CEP41: variants seen among roughly 807,000 people sequenced by gnomAD.
The protein encoded by CEP41 is centrosomal protein 41, also known as centrosomal protein of 41 kDa.
Under a neutral mutation model 44.3 loss-of-function variants are expected in CEP41, and 32 were observed. The observed-to-expected ratio is 0.72, with a 90% CI of 0.54 to 0.97. CEP41 has a LOEUF of 0.97. Ranked by LOEUF, CEP41 falls within the 50% of genes least tolerant of loss-of-function variation. The pLI, the probability that CEP41 is intolerant of heterozygous loss-of-function variation, is 0.00. For synonymous variants in CEP41, 151 were observed against 168.5 expected (o/e 0.90, Z 0.80); for missense variants, 432 against 455.2 (o/e 0.95, Z 0.46).
At chr7:130,401,646 C>T (rs1554416942) in intron 8 of CEP41, among the ~76,000 whole-genome samples, 1 of 152,180 alleles carries the variant, frequency 6.6e-6, no homozygotes, top group East Asian at 1.9e-4. Context: ...GACTAACTCT[C>T]AATGGATCCT....
upstream of CEP41, among the ~76,000 whole-genome samples, chr7:130,441,564 G>T (rs1043288425): frequency 2.6e-5 from 4 of 152,212 alleles, no homozygotes; most frequent in African/African-American, 9.7e-5. Context: ...TGCTTTAAAA[G>T]CTTTTAGGCT....
At chr7:130,435,674 T>G (rs1248164573) in intron 1 of CEP41, among the ~76,000 whole-genome samples, 3 of 152,308 alleles carry the variant, frequency 2.0e-5, no homozygotes, top group African/African-American at 7.2e-5. Flanking sequence ...CTGGAAAAGT[T>G]TGGCAGTATC....
At chr7:130,427,055 A>G (rs1345975778) in intron 2 of CEP41, 1 of 155,588 alleles carries the variant, frequency 6.4e-6, no homozygotes, top group Non-Finnish European at 1.4e-5. Context: ...ATGAAGAAAC[A>G]TGCATAATGG....
At chr7:130,407,020 A>G (rs2117584957) in intron 5 of CEP41, among the ~76,000 whole-genome samples, 1 of 151,894 alleles carries the variant, frequency 6.6e-6, no homozygotes, top group East Asian at 1.9e-4. Flanking sequence ...AAATGATCCT[A>G]AACTGAATGT....
chr7:130,411,509 T>A (rs1004718542), intron 4 of CEP41, among the ~76,000 whole-genome samples: 35 of 152,344 alleles, frequency 2.3e-4, no homozygotes, highest in African/African-American at 7.7e-4. Flanking sequence ...GCACTACACA[T>A]TATTTCTTGA....
intron 2 of CEP41, chr7:130,419,697 C>T: frequency 1.0e-6 from 1 of 985,236 alleles, no homozygotes; most frequent in Middle Eastern, 5.2e-4. Flanking sequence ...AAAGCTGAAA[C>T]TCCTTGCTCT....
intron 7 of CEP41, among the ~76,000 whole-genome samples, chr7:130,402,319 C>T (rs1052074888): frequency 4.3e-5 from 6 of 138,482 alleles, no homozygotes; most frequent in African/African-American, 1.1e-4. Context: ...ACACTTCAGT[C>T]TTGGCAACAG....
chr7:130,394,616 A>G lies in CEP41; in HGVS notation c.*4275T>C, dbSNP rs1796608532. 2.2e-6 allele frequency: 1 copy of G among 453,538 alleles called. No homozygotes were observed. The highest frequency in any genetic ancestry group is 4.4e-6 in the Non-Finnish European group (1 of 226,462). 28.1% of individuals were successfully genotyped at this position (453,538 alleles called of 1,614,324 possible). A position where few individuals can be genotyped will look rare whatever the true frequency, so the allele number is the denominator to read the frequency against. ...GAGATCTAAAAACCTCAGGGTTTTGAATGCCTCGCCCACAAAGGCAGGATA... is the reference window on the plus strand; with the variant it reads ...GAGATCTAAAAACCTCAGGGTTTTGGATGCCTCGCCCACAAAGGCAGGATA... On this transcript the variant is annotated 3_prime_UTR_variant, in exon 11 of 11. Coordinates refer to ENST00000223208, the MANE Select transcript of CEP41 (RefSeq NM_018718.3).
intron 5 of CEP41, among the ~76,000 whole-genome samples, chr7:130,405,062 G>A (rs1020519679): frequency 3.9e-5 from 6 of 152,264 alleles, no homozygotes; most frequent in South Asian, 4.1e-4. Context: ...TCACCATCAC[G>A]CATGCATTCA....
chr7:130,429,137 T>C (rs1220994936), intron 1 of CEP41, among the ~76,000 whole-genome samples: 1 of 152,118 alleles, frequency 6.6e-6, no homozygotes, highest in Non-Finnish European at 1.5e-5. Context: ...CCCTGAGATT[T>C]TATCCATCTC....
intron 2 of CEP41, chr7:130,417,339 G>A (rs780665174): frequency 3.7e-6 from 4 of 1,085,012 alleles, no homozygotes; most frequent in African/African-American, 1.7e-5. Context: ...ACACAGAAGA[G>A]GAGCAAAAAG....
chr7:130,393,951 C>T lies in CEP41; in HGVS notation c.*4940G>A, dbSNP rs782015758. On this transcript the variant is annotated 3_prime_UTR_variant, in exon 11 of 11. Transcript: ENST00000223208. ...TGGAGCACCTGTCTTCAAGATAAGA[C>T]AGCAGACACAGGCGGTGGAAATGTG... The T allele has an allele frequency of 2.2e-6, 1 of 454,080 alleles. No homozygotes were observed. Among genetic ancestry groups the T allele is most frequent in the East Asian group, 6.9e-5 (1 of 14,392 alleles). 28.1% of individuals were successfully genotyped at this position (454,080 alleles called of 1,614,324 possible). A position where few individuals can be genotyped will look rare whatever the true frequency, so the allele number is the denominator to read the frequency against.
At chr7:130,427,919 AT>A (rs782185526) in intron 2 of CEP41, 35 bp downstream of exon 2, 40 of 1,417,136 alleles carry the variant, frequency 2.8e-5, no homozygotes, top group Non-Finnish European at 3.8e-5. Context: ...TAGCTATTAG[AT>A]TTTTTTTAAT....
chr7:130,395,413 A>G lies in CEP41; in HGVS notation c.*3478T>C. The G allele has an allele frequency of 2.2e-6, 1 of 454,154 alleles. No homozygotes were observed. The highest frequency in any genetic ancestry group is 1.6e-5 in the South Asian group (1 of 64,476). The allele number at this position is 454,154 out of a possible 1,614,324, so 28.1% of individuals were successfully genotyped here. ...AATCTTTGAAAGAATTGGGAAGAAAATAAACACACATTAAAGACACTGAGA... is the reference window on the plus strand; with the variant it reads ...AATCTTTGAAAGAATTGGGAAGAAAGTAAACACACATTAAAGACACTGAGA... On this transcript the variant is annotated 3_prime_UTR_variant, in exon 11 of 11. Coordinates refer to ENST00000223208, the MANE Select transcript of CEP41 (RefSeq NM_018718.3).
intron 10 of CEP41, chr7:130,399,288 A>G (rs1796769760): frequency 5.6e-6 from 3 of 535,394 alleles, no homozygotes; most frequent in South Asian, 4.0e-5. Flanking sequence ...CAACATCCCC[A>G]ACAAACCTAG....
In CEP41 at chr7:130,416,960, C is replaced by A; in HGVS notation, c.104G>T (p.Ser35Ile). 3.2e-6 allele frequency: 5 copies of A among 1,576,160 alleles called. No homozygotes were observed. Among genetic ancestry groups the A allele is most frequent in the Non-Finnish European group, 4.4e-6 (5 of 1,145,544 alleles). Residue 35 changes from serine (S) to isoleucine (I), a missense_variant, in exon 3 of 11, where the codon AGT becomes ATT. Physicochemically the swap from Ser to Ile is moderately radical, Grantham distance 142. Transcript: ENST00000223208. Reference protein sequence around the residue: ...HIKSRLDTGNSMTKYTEKLEE... With the variant: ...HIKSRLDTGNIMTKYTEKLEE... The stretch of plus-strand genomic sequence containing the variant: ...GAGCTTCTCAGTATATTTAGTCATA[C>A]TGTTACCTAAAAAGAAAATAAGGGG...
chr7:130,408,224 T>G (rs1182320478), intron 5 of CEP41, among the ~76,000 whole-genome samples: 1 of 152,256 alleles, frequency 6.6e-6, no homozygotes, highest in Non-Finnish European at 1.5e-5. Flanking sequence ...GAGAATTCTA[T>G]TCATATTATT....
intron 1 of CEP41, 67 bp from the exon 2 acceptor site, chr7:130,428,085 G>A: frequency 1.8e-6 from 2 of 1,093,810 alleles, no homozygotes; most frequent in Non-Finnish European, 2.8e-6. Context: ...AAAGTCAGGA[G>A]TCAGATACTT....
chr7:130,419,670 C>T lies in CEP41; in HGVS notation c.98-2704G>A, dbSNP rs73484543. ...AAAGAAAAAAAAAAGTCAGTGGCTC[C>T]CCATTGCTTCCTAACTAAAGCTGAA... On this transcript the variant is annotated intron_variant, in intron 2 of 10. Coordinates refer to ENST00000223208, the MANE Select transcript of CEP41 (RefSeq NM_018718.3). 5,024 of 985,264 alleles carry T rather than the reference C, an allele frequency of 5.1e-3. 201 individuals carry two copies. The African/African-American group carries it at 0.08, about 16-fold the overall frequency. 61.0% of individuals were successfully genotyped at this position (985,264 alleles called of 1,614,324 possible). A position where few individuals can be genotyped will look rare whatever the true frequency, so the allele number is the denominator to read the frequency against.
Sources: gnomAD v4.1 joint callset for allele counts (sites outside exome capture counted in the v4.1 genomes callset) on GRCh38, gnomAD v4.1.1 for gene constraint, MANE v1.5 for transcripts, NCBI Gene and HGNC (gene_info 2026-07-23, HGNC 2026-07-21) for gene names.